Variants in ULK4 observed in about 807,000 individuals in gnomAD.
ULK4 encodes unc-51 like kinase 4.
In ULK4, 133 loss-of-function variants were observed where a neutral mutation model predicts 160.6. The ratio of observed to expected loss-of-function variants is 0.83; its 90% CI spans 0.72 to 0.96. The LOEUF (loss-of-function observed/expected upper bound fraction) is 0.96, where lower values mean the gene tolerates loss of function less well. ULK4 is among the 40% of genes least tolerant of loss of function. The pLI, the probability that ULK4 is intolerant of heterozygous loss-of-function variation, is 0.00. For missense variants in ULK4, 1,580 were observed against 1,499.5 expected, an observed-to-expected ratio of 1.05 and a Z score of -0.89; for synonymous variants, 534 against 539.8, an observed-to-expected ratio of 0.99 and a Z score of 0.15.
At chr3:41,496,091 T>A (rs909129543) in intron 32 of ULK4, among the ~76,000 whole-genome samples, 11 of 151,984 alleles carry the variant, frequency 7.2e-5, no homozygotes, top group African/African-American at 2.4e-4. Context: ...GTAAACATAT[T>A]AAATAAGAGA....
chr3:41,515,498 A>G (rs1565962), intron 32 of ULK4, among the ~76,000 whole-genome samples: 136,065 of 152,134 alleles, frequency 0.89, 61,305 homozygotes, highest in Middle Eastern at 0.95. Context: ...AATTGCCCAA[A>G]ACTGGGTAAT....
chr3:41,620,546 C>T (rs938141458), intron 30 of ULK4, among the ~76,000 whole-genome samples: 6 of 152,090 alleles, frequency 3.9e-5, no homozygotes, highest in Admixed American at 2.6e-4. Context: ...GCAGAAAAGG[C>T]CTTCAGTAAG....
At chr3:41,501,859 C>A (rs1281391411) in intron 32 of ULK4, among the ~76,000 whole-genome samples, 1 of 152,200 alleles carries the variant, frequency 6.6e-6, no homozygotes, top group Non-Finnish European at 1.5e-5. Context: ...ACCCTGCCAC[C>A]ACCATAATAC....
chr3:41,490,306 G>C (rs112854843), intron 32 of ULK4, among the ~76,000 whole-genome samples: 158 of 152,246 alleles, frequency 1.0e-3, no homozygotes, highest in African/African-American at 3.5e-3. Flanking sequence ...CCCAGTCTGA[G>C]TTCAGCCCAG....
intron 35 of ULK4, among the ~76,000 whole-genome samples, chr3:41,313,373 T>C (rs1390882040): frequency 6.6e-6 from 1 of 152,204 alleles, no homozygotes; most frequent in Non-Finnish European, 1.5e-5. Context: ...AAGTAATAAA[T>C]TTAGTGCTTA....
chr3:41,317,737 T>C (rs1042779411), intron 35 of ULK4, among the ~76,000 whole-genome samples: 3 of 152,156 alleles, frequency 2.0e-5, no homozygotes, highest in Non-Finnish European at 4.4e-5. Flanking sequence ...CTGAACAGAA[T>C]TACAATTTGG....
chr3:41,375,659 C>T (rs1188378297), intron 35 of ULK4, among the ~76,000 whole-genome samples: 1 of 150,318 alleles, frequency 6.7e-6, no homozygotes, highest in South Asian at 2.2e-4. Context: ...AAATGTAAGA[C>T]CTAAACCCAT....
chr3:41,283,177 C>T (rs1041238567), intron 35 of ULK4, among the ~76,000 whole-genome samples: 4 of 152,106 alleles, frequency 2.6e-5, no homozygotes, highest in Non-Finnish European at 4.4e-5. Context: ...TGGAGAAATA[C>T]GAATGCTTTT....
intron 32 of ULK4, among the ~76,000 whole-genome samples, chr3:41,520,580 A>C (rs2085899649): frequency 6.6e-6 from 1 of 152,210 alleles, no homozygotes; most frequent in African/African-American, 2.4e-5. Flanking sequence ...GAATATTATA[A>C]GAGAATTGCT....
chr3:41,772,526 G>A (rs551000745), intron 21 of ULK4, among the ~76,000 whole-genome samples: 9 of 152,260 alleles, frequency 5.9e-5, no homozygotes, highest in Admixed American at 4.6e-4. Flanking sequence ...CCAGGAAGAA[G>A]TTGAATCTCT....
chr3:41,542,974 A>G (rs1053587275), intron 32 of ULK4, among the ~76,000 whole-genome samples: 11 of 152,108 alleles, frequency 7.2e-5, no homozygotes, highest in African/African-American at 2.7e-4. Flanking sequence ...AATCTACTCA[A>G]CTACAATTAT....
intron 34 of ULK4, 81 bp from the exon 35 acceptor site, chr3:41,398,345 T>A (rs1575512103): frequency 7.1e-7 from 1 of 1,414,936 alleles, no homozygotes; most frequent in Non-Finnish European, 9.7e-7. Context: ...AAATTTGGCT[T>A]GATGGGGGTG....
chr3:41,248,208 C>A (rs1213627868), intron 36 of ULK4, among the ~76,000 whole-genome samples: 3 of 152,174 alleles, frequency 2.0e-5, no homozygotes, highest in Admixed American at 6.5e-5. Context: ...TCCTCTGTGG[C>A]TCTCTCTCTG....
rs544661739 is a variant in ULK4 at position 41,255,024 on chromosome 3, A to G, written c.3679-5450T>C. Among the ~76,000 whole-genome samples the G allele has an allele frequency of 4.4e-4, 66 of 151,420 alleles. 1 individual carries two copies. The highest frequency in any genetic ancestry group is 1.6e-3 in the African/African-American group (65 of 40,922). ...AAATATCAATACTTACATTAAATGT[A>G]GATTTACCAAATGCTCCAAGTAAAA... On this transcript the variant is annotated intron_variant, in intron 35 of 36. Transcript: ENST00000301831.
intron 17 of ULK4, among the ~76,000 whole-genome samples, chr3:41,870,994 G>GA (rs1175873368): frequency 1.3e-5 from 2 of 151,974 alleles, no homozygotes; most frequent in Admixed American, 6.6e-5. Context: ...TTTTATAAGG[G>GA]GCTTCTCCCT....
intron 30 of ULK4, among the ~76,000 whole-genome samples, chr3:41,643,544 G>T (rs1244666067): frequency 6.6e-6 from 1 of 152,124 alleles, no homozygotes; most frequent in Non-Finnish European, 1.5e-5. Flanking sequence ...CTGTTCCATT[G>T]ATCTATATCT....
intron 17 of ULK4, among the ~76,000 whole-genome samples, chr3:41,877,918 T>C (rs1575871591): frequency 6.6e-6 from 1 of 151,530 alleles, no homozygotes; most frequent in Non-Finnish European, 1.5e-5. Flanking sequence ...GAGGCAGAGG[T>C]TGCGGTGAGC....
At chr3:41,840,080 A>G (rs1020255944) in intron 17 of ULK4, among the ~76,000 whole-genome samples, 1 of 152,178 alleles carries the variant, frequency 6.6e-6, no homozygotes, top group Non-Finnish European at 1.5e-5. Context: ...AAATTATTAT[A>G]AAAGTTATAT....
intron 30 of ULK4, among the ~76,000 whole-genome samples, 160 bp downstream of exon 30, chr3:41,663,447 A>G (rs2035251305): frequency 6.6e-6 from 1 of 152,230 alleles, no homozygotes. Flanking sequence ...TCAAAACAGC[A>G]TAAATGACAG....
Sources: gnomAD v4.1 joint callset for allele counts (sites outside exome capture counted in the v4.1 genomes callset) on GRCh38, gnomAD v4.1.1 for gene constraint, MANE v1.5 for transcripts, NCBI Gene and HGNC (gene_info 2026-07-23, HGNC 2026-07-21) for gene names.